Variants in CPSF3 observed in about 807,000 individuals in gnomAD.
CPSF3 encodes the protein cleavage and polyadenylation specific factor 3.
A neutral mutation model predicts 84.1 loss-of-function variants in CPSF3; 57 were observed. The ratio of observed to expected loss-of-function variants is 0.68; its 90% CI spans 0.55 to 0.85. The LOEUF (loss-of-function observed/expected upper bound fraction) is 0.85, where lower values mean the gene tolerates loss of function less well. CPSF3 is among the 40% of genes least tolerant of loss of function. The pLI is 0.00. For missense variants in CPSF3, 522 were observed against 838.8 expected (o/e 0.62, Z 4.66); for synonymous variants, 275 against 278.1 (o/e 0.99, Z 0.11).
chr2:9,444,166 T>A (rs1339631573), intron 10 of CPSF3, among the ~76,000 whole-genome samples: 17 of 113,754 alleles, frequency 1.5e-4, no homozygotes, highest in African/African-American at 3.5e-4. Flanking sequence ...ATATTTTTTT[T>A]TTTTTTGAGG....
Position 9,436,357 on chromosome 2 carries a change from T to A in CPSF3, c.756T>A (p.Ile252=), listed in dbSNP as rs1219383606. 1 of 1,602,966 alleles carries A rather than the reference T, an allele frequency of 6.2e-7. No homozygotes were observed. Among genetic ancestry groups the A allele is most frequent in the South Asian group, 1.1e-5 (1 of 88,958 alleles). The change falls in exon 7 of 18, where the codon ATT becomes ATA. Residue 252 remains isoleucine, a synonymous_variant. Transcript: ENST00000238112. ...GAAGGGCTCAGGAGCTGCTCTTGATTCTAGGTATGCCATTTCCTTTGTATT... is the reference window on the plus strand; with the variant it reads ...GAAGGGCTCAGGAGCTGCTCTTGATACTAGGTATGCCATTTCCTTTGTATT... The part of the protein sequence containing the change: ...ALGRAQELLL[I]LDEYWQNHPE...
At chr2:9,468,360 G>A (rs528812062) in intron 16 of CPSF3, among the ~76,000 whole-genome samples, 1 of 152,168 alleles carries the variant, frequency 6.6e-6, no homozygotes, top group African/African-American at 2.4e-5. Context: ...CCAAGTAGCT[G>A]GGATCACAGG....
At position 9,433,896 on chromosome 2, in the gene CPSF3, G is replaced by A. The variant is rs1242005624; in HGVS notation, c.545G>A (p.Arg182Lys). 1.2e-6 allele frequency: 2 copies of A among 1,610,738 alleles called. No homozygotes were observed. Among genetic ancestry groups the A allele is most frequent in the African/African-American group, 2.7e-5 (2 of 74,766 alleles). Residue 182 changes from arginine to lysine, a missense_variant, in exon 6 of 18, where the codon AGA (arginine) becomes AAA (lysine). Around this residue, in one of 2 missense-constraint regions of CPSF3, gnomAD observed 329 missense variants for 607.2 expected, o/e 0.54. Coordinates refer to ENST00000238112, the MANE Select transcript of CPSF3 (RefSeq NM_016207.4). ...CTTTTGTACACTGGTGATTTCTCAA[G>A]ACAAGAAGATAGGCACTTAATGGCA... Reference protein sequence around the residue: ...VKLLYTGDFSRQEDRHLMAAE... With the variant: ...VKLLYTGDFSKQEDRHLMAAE...
At position 9,455,284 on chromosome 2, in the gene CPSF3, C is replaced by T. The variant is rs1681484992; in HGVS notation, c.1505-375C>T. On this transcript the variant is annotated intron_variant, in intron 12 of 17. Transcript: ENST00000238112. ...CCGAGTAGCTAGGACTACAGGCATG[C>T]GCTACCACGCCTAGCTAATTTTTGT... Among the ~76,000 whole-genome samples, 4 of 152,138 alleles carry T rather than the reference C, an allele frequency of 2.6e-5. No homozygotes were observed. In the South Asian group the frequency reaches 6.2e-4, roughly 24 times the overall value.
At chr2:9,468,182 G>A (rs1049951778) in intron 16 of CPSF3, among the ~76,000 whole-genome samples, 2 of 152,134 alleles carry the variant, frequency 1.3e-5, no homozygotes, top group Non-Finnish European at 2.9e-5. Flanking sequence ...TTCTTAGTCT[G>A]TAAGCGATGA....
intron 10 of CPSF3, 128 bp from the exon 11 acceptor site, chr2:9,448,070 G>A (rs570676360): frequency 4.6e-5 from 24 of 516,690 alleles, no homozygotes; most frequent in African/African-American, 4.1e-4. Context: ...AAGTAGTAAA[G>A]TTTCATAACT....
rs756458905 is a variant in CPSF3 at position 9,459,593 on chromosome 2, T to G, written c.1761T>G (p.Val587=). ...ADTVTTVILE[V]QSNPKIRKGA... is the part of the protein sequence containing the mutation. ...CAGTAACAACTGTGATATTGGAAGTTCAGTCAAATCCCAAAATAAGAAAAG... is the reference window on the plus strand; with the variant it reads ...CAGTAACAACTGTGATATTGGAAGTGCAGTCAAATCCCAAAATAAGAAAAG... The change falls in exon 15 of 18, where the codon GTT becomes GTG. Residue 587 remains valine, a synonymous_variant. Transcript: ENST00000238112. The G allele has an allele frequency of 6.3e-7, 1 of 1,588,258 alleles. No homozygotes were observed. The highest frequency in any genetic ancestry group is 8.6e-7 in the Non-Finnish European group (1 of 1,164,340).
chr2:9,448,277 T>G lies in CPSF3; in HGVS notation c.1322T>G (p.Val441Gly). The part of the protein sequence containing the change: ...LIREYEDNDE[V>G]HIEVHNPRNT... ...CGAGAATATGAAGATAACGATGAAG[T>G]TCACATAGAGGTTCATAATCCTCGG... Residue 441 changes from valine (V) to glycine (G), a missense_variant, in exon 11 of 18, where the codon GTT (valine) becomes GGT (glycine). By Grantham distance (109) the Val-to-Gly change is moderately radical. This residue lies in a region of CPSF3 where 329 missense variants were observed against 607.2 expected (regional missense o/e 0.54). Transcript: ENST00000238112. 1 of 1,612,900 alleles carries G rather than the reference T, an allele frequency of 6.2e-7. No homozygotes were observed. The highest frequency in any genetic ancestry group is 2.2e-5 in the East Asian group (1 of 44,830).
rs1346482824 is a variant in CPSF3 at position 9,457,011 on chromosome 2, G to A, written c.1682G>A (p.Gly561Asp). ...AATATTACTGTAATACAAGAACCAG[G>A]CATGGTGGTATTAGAAGTAAGAAAA... is the stretch of plus-strand genomic sequence containing the variant. ...FKNITVIQEP[G>D]MVVLEWLANP... Residue 561 changes from glycine (G) to aspartate (D), a missense_variant, in exon 14 of 18, where the codon GGC (glycine) becomes GAC (aspartate). Transcript: ENST00000238112. 4.4e-6 allele frequency: 7 copies of A among 1,591,842 alleles called. No individual in the cohort carries two copies. The African/African-American group carries it at 6.8e-5, about 15-fold the overall frequency.
At chr2:9,452,825 T>A (rs1681379082) in intron 11 of CPSF3, 88 bp from the exon 12 acceptor site, 2 of 771,604 alleles carry the variant, frequency 2.6e-6, no homozygotes, top group South Asian at 3.5e-5. Flanking sequence ...AAAGGTGTTA[T>A]GGTCTTCATT....
intron 4 of CPSF3, among the ~76,000 whole-genome samples, chr2:9,432,236 T>C (rs1041874468): frequency 1.3e-5 from 2 of 152,210 alleles, no homozygotes; most frequent in African/African-American, 2.4e-5. Flanking sequence ...TATTTTGTCT[T>C]AATTTATTGT....
chr2:9,469,945 G>A (rs1348797712), intron 16 of CPSF3, among the ~76,000 whole-genome samples: 1 of 152,208 alleles, frequency 6.6e-6, no homozygotes, highest in East Asian at 1.9e-4. Context: ...TGGGTGTGGT[G>A]ACCCACACCT....
intron 16 of CPSF3, 42 bp from the exon 17 acceptor site, chr2:9,471,301 G>C (rs373539143): frequency 1.3e-5 from 15 of 1,152,458 alleles, no homozygotes; most frequent in Middle Eastern, 1.9e-4. Flanking sequence ...AATATATAAA[G>C]CCGGGCATTT....
Position 9,459,605 on chromosome 2 carries a change from C to A in CPSF3, c.1773C>A (p.Pro591=). ...TGATATTGGAAGTTCAGTCAAATCC[C>A]AAAATAAGAAAAGGTAAGAGTTCAT... ...TTVILEVQSN[P]KIRKGAVQKV... Residue 591 remains proline, a synonymous_variant, in exon 15 of 18, where the codon CCC becomes CCA. Coordinates refer to ENST00000238112, the MANE Select transcript of CPSF3 (RefSeq NM_016207.4). 2 of 1,254,400 alleles carry A rather than the reference C, an allele frequency of 1.6e-6. No individual in the cohort carries two copies. The highest frequency in any genetic ancestry group is 1.9e-5 in the Admixed American group (1 of 52,072). The allele number at this position is 1,254,400 out of a possible 1,614,324, so 77.7% of individuals were successfully genotyped here. A position where few individuals can be genotyped will look rare whatever the true frequency, so the allele number is the denominator to read the frequency against.
intron 9 of CPSF3, among the ~76,000 whole-genome samples, chr2:9,442,778 G>T (rs1217281891): frequency 6.6e-6 from 1 of 151,972 alleles, no homozygotes; most frequent in African/African-American, 2.4e-5. Context: ...GCTTGAAACT[G>T]GAGGCGGAGG....
chr2:9,440,395 ATGTGTATCATTTCTTGTTCTG>A, intron 7 of CPSF3, 75 bp from the exon 8 acceptor site: 2 of 944,792 alleles, frequency 2.1e-6, no homozygotes, highest in East Asian at 2.5e-5. Flanking sequence ...TCTTGGTTGT[ATGTGTATCATTTCTTGTTCTG>A]TGTGTATCAT....
chr2:9,466,224 ACACACACACGTGCGCGCACGCACGCG>A (rs1681914760), intron 15 of CPSF3, among the ~76,000 whole-genome samples: 1 of 147,252 alleles, frequency 6.8e-6, no homozygotes, highest in Non-Finnish European at 1.5e-5. Flanking sequence ...ACACGCACGC[ACACACACACGTGCGCGCACGCACGCG>A]CACACACGCA....
chr2:9,432,092 G>A (rs1317940858), intron 4 of CPSF3, among the ~76,000 whole-genome samples: 1 of 152,198 alleles, frequency 6.6e-6, no homozygotes, highest in African/African-American at 2.4e-5. Context: ...GAAAGGTTGT[G>A]CTAGACTTTG....
At chr2:9,448,061 A>G in intron 10 of CPSF3, 137 bp from the exon 11 acceptor site, 1 of 481,948 alleles carries the variant, frequency 2.1e-6, no homozygotes, top group East Asian at 3.3e-5. Context: ...GGTCCTTAAA[A>G]GTAGTAAAGT....
Sources: allele counts gnomAD v4.1 joint callset (sites outside exome capture counted in the v4.1 genomes callset), GRCh38; gene constraint gnomAD v4.1.1; regional missense constraint gnomAD v4.1.1; transcripts MANE v1.5; gene names NCBI Gene and HGNC (gene_info 2026-07-23, HGNC 2026-07-21).